The following TUSC3 variants were observed in gnomAD, a reference collection of about 807,000 sequenced individuals.
TUSC3 encodes the protein tumor suppressor candidate 3.
In TUSC3, 45 loss-of-function variants were observed where a neutral mutation model predicts 44.8. The observed-to-expected ratio is 1.00, with a 90% confidence interval of 0.79 to 1.29. TUSC3 has a LOEUF of 1.29. Among genes scored for constraint, TUSC3 ranks in the 50% most tolerant of loss-of-function variants. TUSC3 has a pLI of 0.00. For synonymous variants in TUSC3, 212 were observed against 152.9 expected, an observed-to-expected ratio of 1.39 and a Z score of -2.85; for missense variants, 519 against 437.9, an observed-to-expected ratio of 1.19 and a Z score of -1.65.
intron 2 of TUSC3, among the ~76,000 whole-genome samples, chr8:15,631,407 T>G (rs1236889733): frequency 6.6e-6 from 1 of 152,168 alleles, no homozygotes; most frequent in Non-Finnish European, 1.5e-5. Context: ...TTCTATAATT[T>G]TTCCTTTAAA....
chr8:15,788,546 C>CAAA, the TUSC3 span, among the ~76,000 whole-genome samples: 1,429 of 75,436 alleles, frequency 0.019, 21 homozygotes, highest in Non-Finnish European at 0.029. Flanking sequence ...GACTCTATCT[C>CAAA]AAAAAAAAAA....
intron 2 of TUSC3, among the ~76,000 whole-genome samples, chr8:15,495,468 G>T (rs916627224): frequency 6.6e-6 from 1 of 152,124 alleles, no homozygotes; most frequent in Non-Finnish European, 1.5e-5. Flanking sequence ...CCTCCAGCAG[G>T]ACTCCATTTA....
the TUSC3 span, among the ~76,000 whole-genome samples, chr8:15,783,342 GT>G: frequency 6.6e-6 from 1 of 152,094 alleles, no homozygotes; most frequent in Admixed American, 6.6e-5. Flanking sequence ...CAAAATTCCA[GT>G]GTCATTTTTC....
chr8:15,604,480 C>G (rs907441223), intron 1 of TUSC3, among the ~76,000 whole-genome samples: 1 of 151,434 alleles, frequency 6.6e-6, no homozygotes, highest in Non-Finnish European at 1.5e-5. Context: ...CCCAAATTCT[C>G]AAAATAGTAG....
chr8:15,450,224 C>A (rs914251278), intron 1 of TUSC3, among the ~76,000 whole-genome samples: 2 of 147,040 alleles, frequency 1.4e-5, no homozygotes, highest in Admixed American at 6.7e-5. Context: ...TATCATTTTT[C>A]TTTTCTTTTT....
intron 1 of TUSC3, among the ~76,000 whole-genome samples, chr8:15,555,895 T>C (rs988108290): frequency 5.3e-5 from 8 of 151,624 alleles, no homozygotes; most frequent in African/African-American, 1.9e-4. Flanking sequence ...TATAATAATT[T>C]ATAGTTCTCT....
chr8:15,786,245 CA>C, the TUSC3 span, among the ~76,000 whole-genome samples: 1 of 152,104 alleles, frequency 6.6e-6, no homozygotes. Context: ...AAGTTGAAAA[CA>C]AATTGACAAC....
At chr8:15,597,798 G>C (rs946812886) in intron 1 of TUSC3, among the ~76,000 whole-genome samples, 2 of 151,942 alleles carry the variant, frequency 1.3e-5, no homozygotes, top group Non-Finnish European at 2.9e-5. Flanking sequence ...TAATGATTCC[G>C]TACTTTATCA....
chr8:15,612,245 T>C (rs1261159952), intron 1 of TUSC3, among the ~76,000 whole-genome samples: 2 of 152,166 alleles, frequency 1.3e-5, no homozygotes, highest in Non-Finnish European at 2.9e-5. Context: ...CGTGAATAGC[T>C]GCCCCCCTGG....
At chr8:15,713,998 G>A (rs1484454369) in intron 6 of TUSC3, among the ~76,000 whole-genome samples, 4 of 152,242 alleles carry the variant, frequency 2.6e-5, no homozygotes, top group Non-Finnish European at 5.9e-5. Context: ...TACTGATTAA[G>A]TTTTATTTTA....
chr8:15,715,356 T>A (rs1035424137), intron 6 of TUSC3, among the ~76,000 whole-genome samples: 1 of 152,110 alleles, frequency 6.6e-6, no homozygotes, highest in Non-Finnish European at 1.5e-5. Context: ...GTGGTCTGTC[T>A]CTCCTTTAAA....
chr8:15,626,031 C>T (rs757083786), intron 2 of TUSC3, among the ~76,000 whole-genome samples: 26 of 152,154 alleles, frequency 1.7e-4, no homozygotes, highest in Admixed American at 3.9e-4. Context: ...CCAGCTGTGG[C>T]GAGGGAGGCT....
At chr8:15,609,067 G>C (rs1376822989) in intron 1 of TUSC3, among the ~76,000 whole-genome samples, 1 of 152,084 alleles carries the variant, frequency 6.6e-6, no homozygotes, top group Non-Finnish European at 1.5e-5. Flanking sequence ...GGATTCTATT[G>C]AATTTTTCTT....
the TUSC3 span, among the ~76,000 whole-genome samples, chr8:15,798,228 G>C: frequency 1.3e-4 from 20 of 151,900 alleles, no homozygotes; most frequent in African/African-American, 4.6e-4. Context: ...ACATTGAATA[G>C]ACCCTTAAGG....
intron 1 of TUSC3, among the ~76,000 whole-genome samples, chr8:15,430,329 C>T (rs1040314222): frequency 3.3e-5 from 5 of 149,880 alleles, no homozygotes; most frequent in Middle Eastern, 3.4e-3. Context: ...TCAACATAAA[C>T]AAATCAATAA....
At chr8:15,681,586 G>T in intron 6 of TUSC3, among the ~76,000 whole-genome samples, 1 of 148,346 alleles carries the variant, frequency 6.7e-6, no homozygotes, top group South Asian at 2.1e-4. Context: ...TTAGCCAGTA[G>T]TCTTTCGATC....
chr8:15,796,366 C>T, the TUSC3 span, among the ~76,000 whole-genome samples: 8 of 152,278 alleles, frequency 5.3e-5, no homozygotes, highest in Non-Finnish European at 8.8e-5. Flanking sequence ...CATATGGAAT[C>T]TGTCAGTCTG....
chr8:15,522,227 C>G (rs10106407), intron 2 of TUSC3, among the ~76,000 whole-genome samples: 12,687 of 151,604 alleles, frequency 0.084, 1,120 homozygotes, highest in African/African-American at 0.23. Context: ...AAATAGTATT[C>G]AGCCCTTTGT....
chr8:15,562,665 G>C (rs1448634328), intron 1 of TUSC3, among the ~76,000 whole-genome samples: 2 of 152,098 alleles, frequency 1.3e-5, no homozygotes, highest in South Asian at 2.1e-4. Flanking sequence ...GCAGAATTCA[G>C]CTTTTGGTAG....
Sources: allele counts gnomAD v4.1 joint callset (sites outside exome capture counted in the v4.1 genomes callset), GRCh38; gene constraint gnomAD v4.1.1; transcripts MANE v1.5; gene names NCBI Gene and HGNC (gene_info 2026-07-23, HGNC 2026-07-21).